The following ADIPOR2 variants were observed in gnomAD, a reference collection of about 807,000 sequenced individuals.
ADIPOR2 encodes the protein adiponectin receptor 2.
ADIPOR2 carries 18 observed loss-of-function variants against 40.9 expected under a neutral mutation model. The observed-to-expected ratio is 0.44, with a 90% confidence interval of 0.30 to 0.65. The LOEUF is 0.65. Among genes scored for constraint, ADIPOR2 ranks in the 30% least tolerant of loss-of-function variants. ADIPOR2 has a pLI of 0.09. For missense variants in ADIPOR2, 283 were observed against 479.2 expected, an observed-to-expected ratio of 0.59 and a Z score of 3.82; for synonymous variants, 165 against 166.4, an observed-to-expected ratio of 0.99 and a Z score of 0.06.
At chr12:1,706,631 T>C (rs1460294126) in intron 1 of ADIPOR2, among the ~76,000 whole-genome samples, 1 of 152,198 alleles carries the variant, frequency 6.6e-6, no homozygotes, top group Non-Finnish European at 1.5e-5. Context: ...CAATGAAATA[T>C]ACTCATTTTA....
chr12:1,716,810 C>T (rs1402630139), intron 1 of ADIPOR2, among the ~76,000 whole-genome samples: 3 of 152,156 alleles, frequency 2.0e-5, no homozygotes. Flanking sequence ...ATGTTATAAT[C>T]ATTTGCTTGT....
chr12:1,750,596 T>C (rs1447154198), intron 1 of ADIPOR2, among the ~76,000 whole-genome samples: 1 of 152,114 alleles, frequency 6.6e-6, no homozygotes, highest in African/African-American at 2.4e-5. Flanking sequence ...GTGATTGATA[T>C]TTGAGTGTTG....
chr12:1,780,587 CT>C lies in ADIPOR2; in HGVS notation c.602del (p.Phe201SerfsTer26). 6.2e-7 allele frequency: 1 copy of C among 1,613,520 alleles called. No homozygotes were observed. The highest frequency in any genetic ancestry group is 8.5e-7 in the Non-Finnish European group (1 of 1,179,804). On this transcript the variant is annotated frameshift_variant, in exon 5 of 8. Transcript: ENST00000357103. LOFTEE classifies it high-confidence loss of function. ...AILCLSFSWL[F>X]HTVYCHSEGV... ...TTCTCTGCCTTTCTTTTTCATGGCT[CT>C]TCCACACAGTCTACTGCCACTCAGA...
intron 1 of ADIPOR2, among the ~76,000 whole-genome samples, chr12:1,717,797 T>G (rs2094690556): frequency 6.6e-6 from 1 of 152,180 alleles, no homozygotes; most frequent in South Asian, 2.1e-4. Flanking sequence ...GTGTTTGTAT[T>G]ATAAGGAAAA....
intron 1 of ADIPOR2, among the ~76,000 whole-genome samples, chr12:1,704,055 ATTTTTT>A (rs57190793): frequency 1.8e-4 from 12 of 67,552 alleles, no homozygotes; most frequent in African/African-American, 5.3e-4. Flanking sequence ...TCTACCTGGA[ATTTTTT>A]TTTTTTTTTT....
At chr12:1,737,948 G>T (rs1348483037) in intron 1 of ADIPOR2, among the ~76,000 whole-genome samples, 1 of 152,094 alleles carries the variant, frequency 6.6e-6, no homozygotes, top group African/African-American at 2.4e-5. Context: ...ATGTATGAAG[G>T]TCCCTTTTTT....
At chr12:1,710,792 G>A (rs544178418) in intron 1 of ADIPOR2, among the ~76,000 whole-genome samples, 2 of 152,096 alleles carry the variant, frequency 1.3e-5, no homozygotes, top group African/African-American at 2.4e-5. Context: ...TCAGTGGGTC[G>A]GTCCAGGGGT....
chr12:1,723,358 A>G (rs1040081292), intron 1 of ADIPOR2, among the ~76,000 whole-genome samples: 3 of 151,648 alleles, frequency 2.0e-5, no homozygotes, highest in African/African-American at 4.8e-5. Context: ...GGCTGGGCAC[A>G]GTGGCTCATG....
intron 1 of ADIPOR2, among the ~76,000 whole-genome samples, chr12:1,704,911 A>G (rs533812032): frequency 6.6e-6 from 1 of 152,294 alleles, no homozygotes; most frequent in Non-Finnish European, 1.5e-5. Flanking sequence ...CAATATTGAT[A>G]AAGATTGTAG....
chr12:1,754,243 C>A lies in ADIPOR2; in HGVS notation c.-86-15C>A. On this transcript the variant is annotated splice_polypyrimidine_tract_variant and intron_variant, in intron 1 of 7. Transcript: ENST00000357103. The stretch of plus-strand genomic sequence containing the variant: ...ACTCCTTTAATGCATTTTTTCAAAA[C>A]TTTCATCTTCTTAGGATCAACTCAC... The A allele has an allele frequency of 8.1e-7, 1 of 1,238,388 alleles. No homozygotes were observed. 76.7% of individuals were successfully genotyped at this position (1,238,388 alleles called of 1,614,324 possible). A position where few individuals can be genotyped will look rare whatever the true frequency, so the allele number is the denominator to read the frequency against.
intron 1 of ADIPOR2, among the ~76,000 whole-genome samples, chr12:1,705,970 C>G (rs942302566): frequency 1.3e-5 from 2 of 152,108 alleles, no homozygotes; most frequent in African/African-American, 2.4e-5. Context: ...AAAATGGGAC[C>G]CCACTTCATA....
intron 1 of ADIPOR2, among the ~76,000 whole-genome samples, chr12:1,714,355 C>T (rs531855248): frequency 6.6e-6 from 1 of 152,130 alleles, no homozygotes; most frequent in African/African-American, 2.4e-5. Flanking sequence ...AATAATGCGT[C>T]CAAATTTTGT....
At chr12:1,783,728 A>G (rs1862772008) in intron 6 of ADIPOR2, 152 bp from the exon 7 acceptor site, 1 of 636,176 alleles carries the variant, frequency 1.6e-6, no homozygotes, top group Admixed American at 3.7e-5. Flanking sequence ...CAGAGTTTGA[A>G]GAACCTTCTT....
chr12:1,757,205 A>T (rs988328361), intron 2 of ADIPOR2: 8 of 448,810 alleles, frequency 1.8e-5, no homozygotes, highest in South Asian at 3.6e-5. Context: ...ACGTACAAAG[A>T]TCTAACATGT....
chr12:1,702,304 G>T (rs1013243164), intron 1 of ADIPOR2, among the ~76,000 whole-genome samples: 2 of 152,134 alleles, frequency 1.3e-5, no homozygotes, highest in African/African-American at 2.4e-5. Context: ...AGCCCTCTAT[G>T]GTGAATTACC....
At chr12:1,703,068 A>G (rs530235037) in intron 1 of ADIPOR2, 12 of 152,364 alleles carry the variant, frequency 7.9e-5, no homozygotes, top group Non-Finnish European at 1.5e-4. Flanking sequence ...ATTTGTGTAC[A>G]AAGATGCTCT....
chr12:1,725,760 CAAATT>C (rs1174433229), intron 1 of ADIPOR2, among the ~76,000 whole-genome samples: 2 of 152,086 alleles, frequency 1.3e-5, no homozygotes, highest in Non-Finnish European at 1.5e-5. Context: ...TACAAATACA[CAAATT>C]AATAATAAAG....
At position 1,701,438 on chromosome 12, in the gene ADIPOR2, A is replaced by T. The variant is rs547780222; in HGVS notation, c.-87+10247A>T. 2.0e-5 allele frequency among the ~76,000 whole-genome samples: 3 copies of T among 152,226 alleles called. No homozygotes were observed. The East Asian group carries it at 5.8e-4, about 29-fold the overall frequency. On this transcript the variant is annotated intron_variant, in intron 1 of 7. Coordinates refer to ENST00000357103, the MANE Select transcript of ADIPOR2 (RefSeq NM_024551.3). ...CTCCTGGCCTGATCATTTTTAATGC[A>T]TGTTTTTATGTAATTACTACATGGG...
At chr12:1,747,296 T>C (rs1281859739) in intron 1 of ADIPOR2, among the ~76,000 whole-genome samples, 1 of 152,140 alleles carries the variant, frequency 6.6e-6, no homozygotes, top group East Asian at 1.9e-4. Context: ...AGTGGAAATA[T>C]GAGAATGAGA....
Sources: gnomAD v4.1 joint callset for allele counts (sites outside exome capture counted in the v4.1 genomes callset) on GRCh38, gnomAD v4.1.1 for gene constraint, MANE v1.5 for transcripts, NCBI Gene and HGNC (gene_info 2026-07-23, HGNC 2026-07-21) for gene names.